Variants in TNFRSF21 observed in about 807,000 individuals in gnomAD.
The protein encoded by TNFRSF21 is tumor necrosis factor receptor superfamily member 21.
In TNFRSF21, 19 loss-of-function variants were observed where a neutral mutation model predicts 45.6. That is an observed-to-expected ratio of 0.42 (90% CI 0.29 to 0.61). The LOEUF is 0.61. Among genes scored for constraint, TNFRSF21 ranks in the 20% least tolerant of loss-of-function variants. TNFRSF21 has a pLI of 0.23. For synonymous variants in TNFRSF21, 314 were observed against 335.5 expected, an observed-to-expected ratio of 0.94 and a Z score of 0.70; for missense variants, 737 against 851.5, an observed-to-expected ratio of 0.87 and a Z score of 1.67.
At chr6:47,240,597 A>G (rs1764729985) in intron 4 of TNFRSF21, among the ~76,000 whole-genome samples, 1 of 152,132 alleles carries the variant, frequency 6.6e-6, no homozygotes. Flanking sequence ...CCCTGTCTGG[A>G]CCCCACAGCA....
At chr6:47,280,899 A>G (rs911934233) in intron 3 of TNFRSF21, among the ~76,000 whole-genome samples, 10 of 152,190 alleles carry the variant, frequency 6.6e-5, no homozygotes, top group African/African-American at 2.4e-4. Flanking sequence ...TGCTTTTGTA[A>G]TAAAGTGAAT....
At chr6:47,246,295 T>C (rs1208548430) in intron 4 of TNFRSF21, among the ~76,000 whole-genome samples, 2 of 152,214 alleles carry the variant, frequency 1.3e-5, no homozygotes, top group Non-Finnish European at 2.9e-5. Context: ...AAAAGGACAA[T>C]GTAGAATTCA....
At chr6:47,274,218 G>T (rs529327594) in intron 3 of TNFRSF21, among the ~76,000 whole-genome samples, 2 of 152,118 alleles carry the variant, frequency 1.3e-5, no homozygotes, top group Admixed American at 6.5e-5. Flanking sequence ...GAGGCATCAC[G>T]CTACCTGACT....
In TNFRSF21 at chr6:47,245,204, T is replaced by C. The variant is rs1226306463; in HGVS notation, c.1509+8052A>G. The stretch of plus-strand genomic sequence containing the variant: ...ATTAAAGCCCACTTCCATCCCTCTG[T>C]ATAGCAGCTTCACAGAATATATTCT... On this transcript the variant is annotated intron_variant, in intron 4 of 5. Transcript: ENST00000296861. Among the ~76,000 whole-genome samples, 7 of 152,198 alleles carry C rather than the reference T, an allele frequency of 4.6e-5. No individual in the cohort carries two copies. The East Asian group carries it at 1.3e-3, about 29-fold the overall frequency.
chr6:47,247,559 T>C (rs1239922223), intron 4 of TNFRSF21, among the ~76,000 whole-genome samples: 1 of 152,222 alleles, frequency 6.6e-6, no homozygotes, highest in East Asian at 1.9e-4. Flanking sequence ...AAATAGCTGG[T>C]CTCAGTCAGA....
intron 1 of TNFRSF21, among the ~76,000 whole-genome samples, chr6:47,302,748 C>G (rs1762882863): frequency 6.6e-6 from 1 of 152,128 alleles, no homozygotes; most frequent in South Asian, 2.1e-4. Flanking sequence ...TTACAGAAAA[C>G]AAAATTCTGG....
intron 3 of TNFRSF21, among the ~76,000 whole-genome samples, chr6:47,278,806 G>C (rs1324375271): frequency 6.6e-6 from 1 of 152,182 alleles, no homozygotes; most frequent in Non-Finnish European, 1.5e-5. Context: ...AATAATGCCT[G>C]CCCCAACTGA....
chr6:47,309,716 C>T lies in TNFRSF21; in HGVS notation c.-205G>A, dbSNP rs1762990963. On this transcript the variant is annotated 5_prime_UTR_variant, in exon 1 of 6. Coordinates refer to ENST00000296861, the MANE Select transcript of TNFRSF21 (RefSeq NM_014452.5). ...GGCGCTCAGCACCTGCCCAGCGGCG[C>T]GGCCGCCCAGGCGGGGAGAAGCCGC... The T allele has an allele frequency of 1.5e-6, 1 of 667,380 alleles. No individual in the cohort carries two copies. Among genetic ancestry groups the T allele is most frequent in the Admixed American group, 4.4e-5 (1 of 22,782 alleles). The allele number at this position is 667,380 out of a possible 1,614,324, so 41.3% of individuals were successfully genotyped here.
At chr6:47,259,902 G>C (rs1349017515) in intron 3 of TNFRSF21, among the ~76,000 whole-genome samples, 1 of 152,200 alleles carries the variant, frequency 6.6e-6, no homozygotes, top group South Asian at 2.1e-4. Flanking sequence ...CTCCAGATTT[G>C]TGACTTGTTA....
At chr6:47,235,047 G>A in intron 4 of TNFRSF21, 149 bp from the exon 5 acceptor site, 1 of 474,978 alleles carries the variant, frequency 2.1e-6, no homozygotes, top group Non-Finnish European at 3.6e-6. Context: ...TTATATGATT[G>A]CTAGACACAT....
chr6:47,276,641 G>T lies in TNFRSF21; in HGVS notation c.1243+7297C>A, dbSNP rs531369818. 5.8e-4 allele frequency among the ~76,000 whole-genome samples: 88 copies of T among 152,156 alleles called. 2 individuals carry two copies. The highest frequency in any genetic ancestry group is 8.8e-5 in the Non-Finnish European group (6 of 68,026). ...ACCCATAATTTACATGGTGTCTCTG[G>T]CCACTTTCACACTACTACACTTTCA... is the stretch of plus-strand genomic sequence containing the variant. On this transcript the variant is annotated intron_variant, in intron 3 of 5. Transcript: ENST00000296861.
intron 3 of TNFRSF21, among the ~76,000 whole-genome samples, chr6:47,270,597 C>T (rs775271768): frequency 8.5e-5 from 13 of 152,142 alleles, no homozygotes; most frequent in Admixed American, 2.6e-4. Context: ...AAAATCAGAG[C>T]GCATCTTCTC....
chr6:47,233,129 G>T, intron 5 of TNFRSF21, 135 bp from the exon 6 acceptor site: 1 of 718,050 alleles, frequency 1.4e-6, no homozygotes, highest in Non-Finnish European at 2.3e-6. Flanking sequence ...CTCCATTACA[G>T]TGAGAGAGTG....
In TNFRSF21 at chr6:47,309,574, T is replaced by G; in HGVS notation, c.-63A>C. ...CGGGGCAGCTGGAATCGGCGGCTGCTTCTGCCCAGCGCCGCATCCACCGCC... is the reference window on the plus strand; with the variant it reads ...CGGGGCAGCTGGAATCGGCGGCTGCGTCTGCCCAGCGCCGCATCCACCGCC... On this transcript the variant is annotated 5_prime_UTR_variant, in exon 1 of 6. Transcript: ENST00000296861. 2 of 1,385,914 alleles carry G rather than the reference T, an allele frequency of 1.4e-6. No homozygotes were observed. The highest frequency in any genetic ancestry group is 1.9e-6 in the Non-Finnish European group (2 of 1,080,000). The allele number at this position is 1,385,914 out of a possible 1,614,324, so 85.9% of individuals were successfully genotyped here.
At position 47,253,403 on chromosome 6, in the gene TNFRSF21, G is replaced by A. The variant is rs776106154; in HGVS notation, c.1362C>T (p.Ala454=). ...GAGCTGCGTAGGCCCGCTCGTGGTC[G>A]GCTGTGTACCCATTGGAGAAAGCAG... ...EVAAFSNGYT[A]DHERAYAALQ... The change falls in exon 4 of 6, where the codon GCC becomes GCT. Residue 454 remains alanine (A), a synonymous_variant. Coordinates refer to ENST00000296861, the MANE Select transcript of TNFRSF21 (RefSeq NM_014452.5). 17 of 1,614,034 alleles carry A rather than the reference G, an allele frequency of 1.1e-5. No homozygotes were observed. Among genetic ancestry groups the A allele is most frequent in the Admixed American group, 1.7e-5 (1 of 60,008 alleles).
At chr6:47,255,519 T>C (rs750467712) in intron 3 of TNFRSF21, among the ~76,000 whole-genome samples, 11 of 152,192 alleles carry the variant, frequency 7.2e-5, no homozygotes, top group Non-Finnish European at 1.6e-4. Flanking sequence ...TGGAGTGCAA[T>C]GGTGCCATCT....
intron 3 of TNFRSF21, among the ~76,000 whole-genome samples, chr6:47,275,121 G>A (rs1448912843): frequency 6.6e-6 from 1 of 152,174 alleles, no homozygotes; most frequent in Non-Finnish European, 1.5e-5. Flanking sequence ...TCTAGAACTA[G>A]AATTATCATT....
rs890666777 is a variant in TNFRSF21, at chr6:47,284,507, C to A, written c.749-75G>T. ...CTATACATTCCCTCCTTTCCCTGGT[C>A]ATCTCCAAGCTAGGCCAGATAATCA... On this transcript the variant is annotated intron_variant, in intron 2 of 5. Transcript: ENST00000296861. The A allele has an allele frequency of 6.1e-5, 87 of 1,433,938 alleles. No homozygotes were observed. In the Middle Eastern group the frequency reaches 2.6e-3, roughly 43 times the overall value. The allele number at this position is 1,433,938 out of a possible 1,614,324, so 88.8% of individuals were successfully genotyped here.
At chr6:47,268,233 C>T (rs1292304699) in intron 3 of TNFRSF21, among the ~76,000 whole-genome samples, 1 of 152,158 alleles carries the variant, frequency 6.6e-6, no homozygotes, top group Non-Finnish European at 1.5e-5. Context: ...TGGCACGATC[C>T]TGACATCATA....
Sources: gnomAD v4.1 joint callset for allele counts (sites outside exome capture counted in the v4.1 genomes callset) on GRCh38, gnomAD v4.1.1 for gene constraint, MANE v1.5 for transcripts, NCBI Gene and HGNC (gene_info 2026-07-23, HGNC 2026-07-21) for gene names.